The following KSR2 variants were observed in gnomAD, a reference collection of about 807,000 sequenced individuals.
KSR2 encodes the protein kinase suppressor of ras 2.
KSR2 carries 25 observed loss-of-function variants against 107.8 expected under a neutral mutation model. The ratio of observed to expected loss-of-function variants is 0.23; its 90% CI spans 0.17 to 0.32. The LOEUF is 0.32. Among genes scored for constraint, KSR2 ranks in the 10% least tolerant of loss-of-function variants. KSR2 has a pLI of 1.00. For missense variants in KSR2, 887 were observed against 1,268.9 expected (o/e 0.70, Z 4.57); for synonymous variants, 480 against 507.0 (o/e 0.95, Z 0.71).
At chr12:117,718,591 G>A (rs1222252048) in intron 4 of KSR2, among the ~76,000 whole-genome samples, 1 of 152,190 alleles carries the variant, frequency 6.6e-6, no homozygotes, top group Non-Finnish European at 1.5e-5. Context: ...GGCAGATGGG[G>A]AAACTGAGGC....
intron 4 of KSR2, among the ~76,000 whole-genome samples, chr12:117,717,610 C>T (rs1887034511): frequency 6.6e-6 from 1 of 151,656 alleles, no homozygotes; most frequent in South Asian, 2.1e-4. Flanking sequence ...ATGTAGATGA[C>T]ATCTGTTACT....
chr12:117,817,867 G>A (rs1408662989), intron 3 of KSR2, among the ~76,000 whole-genome samples: 1 of 152,132 alleles, frequency 6.6e-6, no homozygotes, highest in African/African-American at 2.4e-5. Context: ...TTGGGAGGCC[G>A]AGGCAGGTGG....
At chr12:117,706,836 TA>T (rs1383563652) in intron 4 of KSR2, among the ~76,000 whole-genome samples, 1 of 152,098 alleles carries the variant, frequency 6.6e-6, no homozygotes, top group Non-Finnish European at 1.5e-5. Context: ...TCTATAACAA[TA>T]AAATATACAT....
In KSR2 at chr12:117,630,303, G is replaced by A. The variant is rs1302949939; in HGVS notation, c.1171+37171C>T. 2.0e-5 allele frequency among the ~76,000 whole-genome samples: 3 copies of A among 152,290 alleles called. No individual in the cohort carries two copies. In the East Asian group the frequency reaches 5.8e-4, roughly 29 times the overall value. ...GAGAACAGCATGTGCAAAAGCCCTG[G>A]GGTTGAAGACAATATGGTGGTATGA... On this transcript the variant is annotated intron_variant, in intron 5 of 19. Coordinates refer to ENST00000339824, the MANE Select transcript of KSR2 (RefSeq NM_173598.6).
At chr12:117,800,693 A>C (rs1024042584) in intron 3 of KSR2, among the ~76,000 whole-genome samples, 1 of 152,110 alleles carries the variant, frequency 6.6e-6, no homozygotes, top group Non-Finnish European at 1.5e-5. Flanking sequence ...TCAACCCGTC[A>C]TCTAGGTTTT....
chr12:117,958,752 C>CA (rs1370783415), intron 1 of KSR2, among the ~76,000 whole-genome samples: 1 of 152,144 alleles, frequency 6.6e-6, no homozygotes, highest in Non-Finnish European at 1.5e-5. Context: ...ACCTGGGAGA[C>CA]AGAGGTTGTA....
At chr12:117,755,437 T>G (rs1888755460) in intron 4 of KSR2, among the ~76,000 whole-genome samples, 1 of 152,220 alleles carries the variant, frequency 6.6e-6, no homozygotes, top group Non-Finnish European at 1.5e-5. Context: ...TTATATCTGT[T>G]ATGGTTATCT....
chr12:117,695,517 G>C (rs1039341588), intron 4 of KSR2, among the ~76,000 whole-genome samples: 1 of 143,378 alleles, frequency 7.0e-6, no homozygotes, highest in African/African-American at 2.6e-5. Flanking sequence ...ACCAGCCTGG[G>C]AAACATGATG....
At chr12:117,884,937 T>C (rs904609338) in intron 1 of KSR2, among the ~76,000 whole-genome samples, 1 of 152,112 alleles carries the variant, frequency 6.6e-6, no homozygotes, top group African/African-American at 2.4e-5. Context: ...GTAGGAAAAC[T>C]GCACAGAACT....
At chr12:117,555,534 G>T (rs960758295) in intron 8 of KSR2, among the ~76,000 whole-genome samples, 1 of 152,136 alleles carries the variant, frequency 6.6e-6, no homozygotes, top group South Asian at 2.1e-4. Context: ...AAGCTATCAG[G>T]TTTTTTTAAA....
intron 4 of KSR2, among the ~76,000 whole-genome samples, chr12:117,694,277 G>A (rs1016614099): frequency 2.6e-5 from 4 of 152,182 alleles, no homozygotes; most frequent in East Asian, 3.9e-4. Context: ...CATGGGGGAC[G>A]TTTCCTCCAT....
At chr12:117,623,115 G>A (rs1397760115) in intron 5 of KSR2, among the ~76,000 whole-genome samples, 1 of 152,192 alleles carries the variant, frequency 6.6e-6, no homozygotes, top group African/African-American at 2.4e-5. Context: ...ATTTCATAAT[G>A]CAAATTTGAT....
intron 3 of KSR2, among the ~76,000 whole-genome samples, chr12:117,835,756 G>A (rs1361522071): frequency 6.6e-6 from 1 of 152,006 alleles, no homozygotes; most frequent in African/African-American, 2.4e-5. Context: ...TCCAAGGCAT[G>A]GGACAGTCCC....
At chr12:117,837,359 G>A (rs1892263054) in intron 3 of KSR2, among the ~76,000 whole-genome samples, 1 of 152,178 alleles carries the variant, frequency 6.6e-6, no homozygotes, top group Non-Finnish European at 1.5e-5. Flanking sequence ...TGCATCTTGT[G>A]CACCGATTTC....
At chr12:117,553,858 TCTCC>T (rs990021146) in intron 9 of KSR2, among the ~76,000 whole-genome samples, 12 of 149,318 alleles carry the variant, frequency 8.0e-5, no homozygotes, top group East Asian at 4.0e-4. Flanking sequence ...TCTCTCTCTC[TCTCC>T]CTCTCTCATG....
At chr12:117,640,538 C>T (rs1212013064) in intron 5 of KSR2, among the ~76,000 whole-genome samples, 2 of 152,184 alleles carry the variant, frequency 1.3e-5, no homozygotes, top group Non-Finnish European at 2.9e-5. Context: ...AGGTGTGAGC[C>T]ACCGTGCCCA....
chr12:117,467,212 T>A lies in KSR2; in HGVS notation c.2847-7A>T. 1.4e-6 allele frequency: 1 copy of A among 725,044 alleles called. No individual in the cohort carries two copies. The highest frequency in any genetic ancestry group is 2.5e-6 in the Non-Finnish European group (1 of 393,598). 44.9% of individuals were successfully genotyped at this position (725,044 alleles called of 1,614,324 possible). A position where few individuals can be genotyped will look rare whatever the true frequency, so the allele number is the denominator to read the frequency against. On this transcript the variant is annotated splice_polypyrimidine_tract_variant and splice_region_variant and intron_variant, in intron 19 of 19. Transcript: ENST00000339824. ...GATGTCCAAAGGTCACAGCCTGGAG[T>A]GGGGAGAGAAGGGAGAGAGTGGTGA...
intron 3 of KSR2, among the ~76,000 whole-genome samples, chr12:117,782,928 T>C (rs138478204): frequency 6.6e-6 from 1 of 152,140 alleles, no homozygotes; most frequent in Non-Finnish European, 1.5e-5. Flanking sequence ...GGACTACACA[T>C]AATAATCGCA....
Position 117,968,835 on chromosome 12 carries a change from C to T in KSR2, c.-580G>A. ...CTTTAGCGCGTTCTCAAGGTGCTGT[C>T]TGCATTGCTCCCGCGGCTGCGGCGG... is the stretch of plus-strand genomic sequence containing the variant. On this transcript the variant is annotated 5_prime_UTR_variant, in exon 1 of 20. Coordinates refer to ENST00000339824, the MANE Select transcript of KSR2 (RefSeq NM_173598.6). 1 of 208,404 alleles carries T rather than the reference C, an allele frequency of 4.8e-6. No homozygotes were observed. Among genetic ancestry groups the T allele is most frequent in the Admixed American group, 5.9e-5 (1 of 16,952 alleles). The allele number at this position is 208,404 out of a possible 1,614,324, so 12.9% of individuals were successfully genotyped here.
Sources: gnomAD v4.1 joint callset for allele counts (sites outside exome capture counted in the v4.1 genomes callset) on GRCh38, gnomAD v4.1.1 for gene constraint, MANE v1.5 for transcripts, NCBI Gene and HGNC (gene_info 2026-07-23, HGNC 2026-07-21) for gene names.